The following TP53BP2 variants were observed in gnomAD, a reference collection of about 807,000 sequenced individuals.
The protein encoded by TP53BP2 is tumor protein p53 binding protein 2, also known as apoptosis-stimulating of p53 protein 2.
Under a neutral mutation model 126.2 loss-of-function variants are expected in TP53BP2, and 62 were observed. That is an observed-to-expected ratio of 0.49 (90% CI 0.40 to 0.61). TP53BP2 has a LOEUF of 0.61. TP53BP2 is among the 20% of genes least tolerant of loss of function. TP53BP2 has a pLI of 0.00. For missense variants in TP53BP2, 1,215 were observed against 1,402.8 expected (o/e 0.87, Z 2.14); for synonymous variants, 485 against 502.9 (o/e 0.96, Z 0.48).
chr1:223,798,344 G>A lies in TP53BP2; in HGVS notation c.1819C>T (p.Pro607Ser). 6.2e-7 allele frequency: 1 copy of A among 1,614,206 alleles called. No homozygotes were observed. Among genetic ancestry groups the A allele is most frequent in the Non-Finnish European group, 8.5e-7 (1 of 1,180,034 alleles). ...ATTGAACTTGCTGCCACGGTCTGGG[G>A]TTTTCTGAAGGGTGGAAGTAAGGTG... ...KDTLLPPFRK[P>S]QTVAASSIYS... The change falls in exon 12 of 18, where the codon CCC becomes TCC. Residue 607 changes from proline (P) to serine (S), a missense_variant. Around this residue, in one of 4 missense-constraint regions of TP53BP2, gnomAD observed 814 missense variants for 853.0 expected, o/e 0.95. Coordinates refer to ENST00000343537, the MANE Select transcript of TP53BP2 (RefSeq NM_001031685.3).
At chr1:223,834,791 A>G (rs1350112658) in intron 1 of TP53BP2, 1 of 983,480 alleles carries the variant, frequency 1.0e-6, no homozygotes, top group Non-Finnish European at 1.2e-6. Flanking sequence ...CAAAGACCAT[A>G]AAACTTCCTC....
intron 1 of TP53BP2, among the ~76,000 whole-genome samples, chr1:223,826,876 AGGT>A (rs1161862858): frequency 6.6e-6 from 1 of 152,164 alleles, no homozygotes; most frequent in Admixed American, 6.5e-5. Flanking sequence ...TTAATAGCAA[AGGT>A]GGTGAAAATG....
intron 1 of TP53BP2, among the ~76,000 whole-genome samples, chr1:223,831,593 C>A (rs180945645): frequency 2.8e-4 from 40 of 145,222 alleles, no homozygotes; most frequent in African/African-American, 9.5e-4. Context: ...TTTTTAAAAT[C>A]TCAACAGTAA....
At chr1:223,831,483 ATATATATATATAT>A (rs1663727372) in intron 1 of TP53BP2, among the ~76,000 whole-genome samples, 4 of 31,350 alleles carry the variant, frequency 1.3e-4, no homozygotes, top group African/African-American at 4.7e-4. Flanking sequence ...AAAAAAAAAT[ATATATATATATAT>A]ATATATATAT....
Position 223,814,259 on chromosome 1 carries a change from G to A in TP53BP2, c.270C>T (p.Arg90=), listed in dbSNP as rs774639688. The change falls in exon 3 of 18, where the codon CGC becomes CGT. Residue 90 remains arginine (R), a synonymous_variant. Transcript: ENST00000343537. ...ACCTACCAATGTCCCTGCCAGGGGG[G>A]CGTTCATGACGAAGGAAGAAGCGAA... ...NEVRFFLRHE[R]PPGRDIVSGP... The A allele has an allele frequency of 9.9e-6, 16 of 1,613,472 alleles. No homozygotes were observed. Among genetic ancestry groups the A allele is most frequent in the Non-Finnish European group, 1.4e-5 (16 of 1,179,482 alleles).
intron 1 of TP53BP2, among the ~76,000 whole-genome samples, chr1:223,823,022 T>A (rs1017529137): frequency 2.0e-5 from 3 of 152,192 alleles, no homozygotes; most frequent in African/African-American, 7.2e-5. Flanking sequence ...CTATGGAACA[T>A]AAACTTGAGG....
At chr1:223,829,607 G>C (rs1032959377) in intron 1 of TP53BP2, among the ~76,000 whole-genome samples, 1 of 151,994 alleles carries the variant, frequency 6.6e-6, no homozygotes, top group Non-Finnish European at 1.5e-5. Flanking sequence ...GGGTTCCCTA[G>C]AGTTAAAGCC....
At chr1:223,834,396 C>T (rs1663851167) in intron 1 of TP53BP2, among the ~76,000 whole-genome samples, 1 of 152,132 alleles carries the variant, frequency 6.6e-6, no homozygotes, top group Non-Finnish European at 1.5e-5. Context: ...AGGGAAGTAA[C>T]ATGAAACTAG....
chr1:223,793,444 C>CA lies in TP53BP2; in HGVS notation c.2725-5dup. 6.4e-7 allele frequency: 1 copy of CA among 1,564,738 alleles called. No homozygotes were observed. Among genetic ancestry groups the CA allele is most frequent in the African/African-American group, 1.4e-5 (1 of 72,496 alleles). On this transcript the variant is annotated splice_region_variant and splice_polypyrimidine_tract_variant and intron_variant, in intron 13 of 17. Transcript: ENST00000343537. ...TACGCAAGTTTGTCCTTTTACCCTGCAAAGAAAATGGGTGGAAAATTTAGG... is the reference window on the plus strand; with the variant it reads ...TACGCAAGTTTGTCCTTTTACCCTGCAAAAGAAAATGGGTGGAAAATTTAGG...
At chr1:223,793,478 C>A (rs1662217971) in intron 13 of TP53BP2, 38 bp from the exon 14 acceptor site, 1 of 1,509,202 alleles carries the variant, frequency 6.6e-7, no homozygotes, top group Non-Finnish European at 8.8e-7. Context: ...GGATCCTCGT[C>A]TATGCAAGAG....
At chr1:223,822,166 G>A (rs1307106208) in intron 1 of TP53BP2, among the ~76,000 whole-genome samples, 1 of 151,926 alleles carries the variant, frequency 6.6e-6, no homozygotes. Flanking sequence ...CACCCACCTC[G>A]GCCTCCCAAA....
chr1:223,833,550 TTTAA>T (rs1399429679), intron 1 of TP53BP2, among the ~76,000 whole-genome samples: 4 of 152,304 alleles, frequency 2.6e-5, no homozygotes, highest in Admixed American at 2.6e-4. Context: ...AAGTAGTTAC[TTTAA>T]TTAAGGAAAA....
At chr1:223,797,494 C>T (rs1571846174) in intron 12 of TP53BP2, among the ~76,000 whole-genome samples, 1 of 151,810 alleles carries the variant, frequency 6.6e-6, no homozygotes, top group East Asian at 1.9e-4. Context: ...CTCACTGCAA[C>T]CTCCGCCTCC....
At chr1:223,839,696 T>C (rs892026091) in intron 1 of TP53BP2, among the ~76,000 whole-genome samples, 2 of 152,100 alleles carry the variant, frequency 1.3e-5, no homozygotes, top group African/African-American at 2.4e-5. Flanking sequence ...TCCCAGCACT[T>C]TGGGAGGCAG....
intron 1 of TP53BP2, among the ~76,000 whole-genome samples, chr1:223,827,388 G>A (rs968866983): frequency 6.6e-6 from 1 of 152,196 alleles, no homozygotes; most frequent in Admixed American, 6.5e-5. Flanking sequence ...GAGGGAGGAA[G>A]ATGCAAAAGT....
In TP53BP2 at chr1:223,802,808, T is replaced by C. The variant is rs148732614; in HGVS notation, c.919A>G (p.Met307Val). 911 of 1,614,224 alleles carry C rather than the reference T, an allele frequency of 5.6e-4. 2 individuals are homozygous for C. Among genetic ancestry groups the C allele is most frequent in the Non-Finnish European group, 6.8e-4 (808 of 1,180,022 alleles). Reference sequence around the variant, plus strand: ...CTCAGCTCATTAACACGCTTATCCATGACTGCCACTTCTGAATTACGCTTA... The same window carrying C: ...CTCAGCTCATTAACACGCTTATCCACGACTGCCACTTCTGAATTACGCTTA... ...LNKRNSEVAV[M>V]DKRVNELRDR... is the part of the protein sequence containing the mutation. Residue 307 changes from methionine (M) to valine (V), a missense_variant, in exon 8 of 18, where the codon ATG (methionine) becomes GTG (valine). Met to Val is a conservative substitution (Grantham distance 21). This residue lies in a region of TP53BP2 where 814 missense variants were observed against 853.0 expected (regional missense o/e 0.95). Transcript: ENST00000343537.
At chr1:223,794,175 T>G (rs999621266) in intron 13 of TP53BP2, among the ~76,000 whole-genome samples, 3 of 151,764 alleles carry the variant, frequency 2.0e-5, no homozygotes, top group Non-Finnish European at 4.4e-5. Flanking sequence ...AAAGGCAAAA[T>G]TTTAAAGACT....
intron 2 of TP53BP2, among the ~76,000 whole-genome samples, chr1:223,817,126 C>T (rs1016208290): frequency 1.3e-5 from 2 of 150,534 alleles, no homozygotes; most frequent in Non-Finnish European, 3.0e-5. Context: ...AATCACACTG[C>T]ACTCCAGCCT....
intron 1 of TP53BP2, among the ~76,000 whole-genome samples, chr1:223,828,857 T>C (rs756253989): frequency 2.0e-5 from 3 of 152,102 alleles, no homozygotes; most frequent in Non-Finnish European, 2.9e-5. Context: ...GATAAAGGTA[T>C]GGGGTTTCTT....
Sources: gnomAD v4.1 joint callset for allele counts (sites outside exome capture counted in the v4.1 genomes callset) on GRCh38, gnomAD v4.1.1 for gene constraint, gnomAD v4.1.1 regional missense constraint, MANE v1.5 for transcripts, NCBI Gene and HGNC (gene_info 2026-07-23, HGNC 2026-07-21) for gene names.